The following B4GALNT2 variants were observed in gnomAD, a reference collection of about 807,000 sequenced individuals.
B4GALNT2 encodes N-acetylneuraminylgalactosylglucosyl-glucoside beta-1,4-N- acetylgalactosaminyltransferase 2.
A neutral mutation model predicts 51.1 loss-of-function variants in B4GALNT2; 42 were observed. The observed-to-expected ratio is 0.82, with a 90% confidence interval of 0.64 to 1.06. The LOEUF (loss-of-function observed/expected upper bound fraction) is 1.06. B4GALNT2 is among the 50% of genes least tolerant of loss of function. The pLI, the probability that B4GALNT2 is intolerant of heterozygous loss-of-function variation, is 0.00. For synonymous variants in B4GALNT2, 253 were observed against 251.7 expected, an observed-to-expected ratio of 1.01 and a Z score of -0.05; for missense variants, 602 against 633.6, an observed-to-expected ratio of 0.95 and a Z score of 0.54.
the B4GALNT2 span, among the ~76,000 whole-genome samples, chr17:49,120,745 A>G: frequency 6.6e-6 from 1 of 152,020 alleles, no homozygotes; most frequent in Non-Finnish European, 1.5e-5. Context: ...CCTGGGTTCA[A>G]GTGATCCATC....
At chr17:49,165,094 G>A (rs771861230) in intron 8 of B4GALNT2, among the ~76,000 whole-genome samples, 7 of 152,102 alleles carry the variant, frequency 4.6e-5, no homozygotes, top group African/African-American at 4.8e-5. Context: ...GATTACAGGC[G>A]TGAGCCACTG....
At chr17:49,132,147 T>G, upstream of B4GALNT2, among the ~76,000 whole-genome samples, 1 of 152,118 alleles carries the variant, frequency 6.6e-6, no homozygotes, top group African/African-American at 2.4e-5. Context: ...TTCTTGTATT[T>G]GTGGCAGCTG....
chr17:49,144,312 A>G (rs1176118667), intron 3 of B4GALNT2, among the ~76,000 whole-genome samples: 1 of 152,170 alleles, frequency 6.6e-6, no homozygotes, highest in Non-Finnish European at 1.5e-5. Flanking sequence ...CATTCAAACC[A>G]TAGTAGCCAC....
chr17:49,127,937 T>A (rs1444245295), upstream of B4GALNT2, among the ~76,000 whole-genome samples: 1 of 152,126 alleles, frequency 6.6e-6, no homozygotes, highest in Admixed American at 6.5e-5. Flanking sequence ...AGTAATTCAG[T>A]TGATTGGGAG....
At chr17:49,147,454 A>G (rs535865192) in intron 3 of B4GALNT2, among the ~76,000 whole-genome samples, 136 of 149,842 alleles carry the variant, frequency 9.1e-4, no homozygotes, top group African/African-American at 3.1e-3. Context: ...TACCCACTGC[A>G]ACCTCCACTT....
At chr17:49,128,023 T>C (rs965762264), upstream of B4GALNT2, among the ~76,000 whole-genome samples, 2 of 152,216 alleles carry the variant, frequency 1.3e-5, no homozygotes, top group African/African-American at 4.8e-5. Context: ...ATAGCTTGGA[T>C]ATCCATTTTA....
At chr17:49,152,106 G>A (rs1316640003) in intron 3 of B4GALNT2, among the ~76,000 whole-genome samples, 2 of 152,142 alleles carry the variant, frequency 1.3e-5, no homozygotes, top group African/African-American at 4.8e-5. Flanking sequence ...GCCAGGCATG[G>A]TGGCTCTCTC....
chr17:49,159,387 G>A (rs1467485459), intron 6 of B4GALNT2, among the ~76,000 whole-genome samples, 170 bp downstream of exon 6: 1 of 152,150 alleles, frequency 6.6e-6, no homozygotes, highest in Non-Finnish European at 1.5e-5. Flanking sequence ...TGTCACCCAG[G>A]CTGGAGTGCA....
upstream of B4GALNT2, among the ~76,000 whole-genome samples, chr17:49,128,139 G>T (rs11654228): frequency 6.6e-6 from 1 of 151,886 alleles, no homozygotes; most frequent in Non-Finnish European, 1.5e-5. Context: ...AATTCCCTGC[G>T]GTAATGAGAG....
chr17:49,134,912 C>T (rs1180074967), intron 1 of B4GALNT2, among the ~76,000 whole-genome samples: 1 of 152,112 alleles, frequency 6.6e-6, no homozygotes, highest in Non-Finnish European at 1.5e-5. Context: ...ATTATTGTAA[C>T]TATGTTCATC....
the B4GALNT2 span, among the ~76,000 whole-genome samples, chr17:49,120,577 C>A: frequency 0.16 from 24,854 of 151,774 alleles, 2,522 homozygotes; most frequent in Non-Finnish European, 0.24. Context: ...GTGATCTTGG[C>A]TCACTGCAAT....
At chr17:49,141,142 A>T in intron 1 of B4GALNT2, 105 bp from the exon 2 acceptor site, 1 of 1,071,938 alleles carries the variant, frequency 9.3e-7, no homozygotes, top group Non-Finnish European at 1.4e-6. Context: ...GACCAATATA[A>T]GCTATGTGCT....
chr17:49,169,000 C>T lies in B4GALNT2; in HGVS notation c.1315+100C>T, dbSNP rs562471659. ...GTACCCGGCTGGCTGATCATAGTCG[C>T]TTGCCCAGTAGCAGTACATCCCTTT... On this transcript the variant is annotated intron_variant, in intron 10 of 10. Transcript: ENST00000393354. The T allele has an allele frequency of 8.0e-6, 10 of 1,242,296 alleles. No homozygotes were observed. The East Asian group carries it at 1.0e-4, about 13-fold the overall frequency. 77.0% of individuals were successfully genotyped at this position (1,242,296 alleles called of 1,614,324 possible). A position where few individuals can be genotyped will look rare whatever the true frequency, so the allele number is the denominator to read the frequency against.
chr17:49,136,285 C>T (rs1276171589), intron 1 of B4GALNT2, among the ~76,000 whole-genome samples: 1 of 151,252 alleles, frequency 6.6e-6, no homozygotes, highest in African/African-American at 2.4e-5. Flanking sequence ...TGTTCAGTGA[C>T]AAAATTAATT....
intron 4 of B4GALNT2, among the ~76,000 whole-genome samples, chr17:49,155,217 G>T (rs1251747371): frequency 6.9e-6 from 1 of 144,018 alleles, no homozygotes; most frequent in Admixed American, 7.5e-5. Context: ...AGAATTGCTT[G>T]ATCCTGGGAG....
chr17:49,124,954 C>T, the B4GALNT2 span, among the ~76,000 whole-genome samples: 1 of 152,150 alleles, frequency 6.6e-6, no homozygotes, highest in Non-Finnish European at 1.5e-5. Flanking sequence ...CCAAAAATTG[C>T]TTAAACCTTC....
chr17:49,123,263 G>C, the B4GALNT2 span, among the ~76,000 whole-genome samples: 6 of 152,340 alleles, frequency 3.9e-5, no homozygotes, highest in South Asian at 6.2e-4. Context: ...AGTGCCAGCA[G>C]TGAAGAGATT....
intron 3 of B4GALNT2, among the ~76,000 whole-genome samples, chr17:49,143,375 G>A (rs1424530599): frequency 1.3e-5 from 2 of 152,188 alleles, no homozygotes; most frequent in Non-Finnish European, 2.9e-5. Flanking sequence ...TTGTTAGAAG[G>A]ATGCTGGGGC....
intron 2 of B4GALNT2, 144 bp downstream of exon 2, chr17:49,141,591 C>A: frequency 1.2e-6 from 1 of 866,568 alleles, no homozygotes; most frequent in Non-Finnish European, 1.8e-6. Context: ...GACTGCAAGC[C>A]AGGATGGGGC....
Sources: gnomAD v4.1 joint callset for allele counts (sites outside exome capture counted in the v4.1 genomes callset) on GRCh38, gnomAD v4.1.1 for gene constraint, MANE v1.5 for transcripts, NCBI Gene and HGNC (gene_info 2026-07-23, HGNC 2026-07-21) for gene names.